The following ZNF677 variants were observed in gnomAD, a reference collection of about 807,000 sequenced individuals.
ZNF677 encodes hypothetical protein MGC48625.
In ZNF677, 5 loss-of-function variants were observed where a neutral mutation model predicts 8.1. The ratio of observed to expected loss-of-function variants is 0.62; its 90% CI spans 0.32 to 1.29. ZNF677 has a LOEUF of 1.29. ZNF677 is among the 50% of genes most tolerant of loss of function. The pLI is 0.05. For synonymous variants in ZNF677, 221 were observed against 225.6 expected (o/e 0.98, Z 0.18); for missense variants, 685 against 685.9 (o/e 1.00, Z 0.01).
rs756011503 is a variant in ZNF677 at position 53,237,695 on chromosome 19, CTCT to C, written c.1029_1031del (p.Glu344del). On this transcript the variant is annotated inframe_deletion, in exon 5 of 5. Coordinates refer to ENST00000598513, the MANE Select transcript of ZNF677 (RefSeq NM_182609.4). The stretch of plus-strand genomic sequence containing the variant: ...CACATTCATTACATTTGTAAGGTTT[CTCT>C]CCAGTATGCATCCTCTGATGACTTG... 23 of 1,613,352 alleles carry C rather than the reference CTCT, an allele frequency of 1.4e-5. No individual in the cohort carries two copies. In the East Asian group the frequency reaches 4.9e-4, roughly 34 times the overall value.
chr19:53,244,071 G>T (rs1599920183), intron 3 of ZNF677, 174 bp from the exon 4 acceptor site: 1 of 626,304 alleles, frequency 1.6e-6, no homozygotes, highest in East Asian at 3.1e-5. Flanking sequence ...CATAAAATTA[G>T]CTATTTGAGG....
Position 53,236,979 on chromosome 19 carries a change from C to G in ZNF677, c.1748G>C (p.Cys583Ser). 2 of 1,550,424 alleles carry G rather than the reference C, an allele frequency of 1.3e-6. No individual in the cohort carries two copies. The highest frequency in any genetic ancestry group is 8.7e-7 in the Non-Finnish European group (1 of 1,155,072). Reference protein sequence around the residue: ...YNETKIKYSSCT With the variant: ...YNETKIKYSSST ...ACAATGGAGCCCCTGATGCTAGGTA[C>G]AGCTTGAATACTTAATTTTTGTCTC... The change falls in exon 5 of 5, where the codon TGT (cysteine) becomes TCT (serine). Residue 583 changes from cysteine to serine, a missense_variant. Transcript: ENST00000598513.
intron 3 of ZNF677, among the ~76,000 whole-genome samples, chr19:53,248,369 A>G (rs545240305): frequency 3.3e-5 from 5 of 152,312 alleles, no homozygotes; most frequent in Non-Finnish European, 7.4e-5. Context: ...AACCAGTAAT[A>G]TTGGCTTTTG....
intron 3 of ZNF677, chr19:53,249,592 C>T (rs768291723): frequency 6.6e-6 from 1 of 152,186 alleles, no homozygotes. Context: ...ATGATTTTTA[C>T]GACTTCTCTT....
Position 53,237,232 on chromosome 19 carries a change from G to A in ZNF677, c.1495C>T (p.Arg499Cys), listed in dbSNP as rs140137479. ...TTCTTATGCTGAGTAAGATTTGAAC[G>A]TTCAGTAAAGGCTTTGCCACATTCA... The part of the protein sequence containing the change: ...CTECGKAFTE[R>C]SNLTQHKKIH... The change falls in exon 5 of 5, where the codon CGT becomes TGT. Residue 499 changes from arginine (R) to cysteine (C), a missense_variant. Arg to Cys is a radical substitution (Grantham distance 180). Coordinates refer to ENST00000598513, the MANE Select transcript of ZNF677 (RefSeq NM_182609.4). 484 of 1,612,532 alleles carry A rather than the reference G, an allele frequency of 3.0e-4. 2 individuals carry two copies. The highest frequency in any genetic ancestry group is 4.5e-4 in the South Asian group (41 of 91,054).
chr19:53,247,340 T>C (rs552923453), intron 3 of ZNF677, among the ~76,000 whole-genome samples: 6 of 152,138 alleles, frequency 3.9e-5, no homozygotes, highest in African/African-American at 1.4e-4. Flanking sequence ...AAGAATTGTT[T>C]TGGGCCACAC....
At chr19:53,239,897 G>C (rs1167551406) in intron 4 of ZNF677, 2 of 152,146 alleles carry the variant, frequency 1.3e-5, no homozygotes, top group Non-Finnish European at 2.9e-5. Context: ...TGTGTGTGCG[G>C]GCTAAGATGC....
chr19:53,237,830 G>C lies in ZNF677; in HGVS notation c.897C>G (p.Ala299=), dbSNP rs1263293364. The C allele has an allele frequency of 6.2e-7, 1 of 1,612,794 alleles. No homozygotes were observed. Among genetic ancestry groups the C allele is most frequent in the Non-Finnish European group, 8.5e-7 (1 of 1,179,506 alleles). ...TAGTGAGGTTCGAACACTGGTTAAAGGCTTTGCCACACTCGTTACATTTGT... is the reference window on the plus strand; with the variant it reads ...TAGTGAGGTTCGAACACTGGTTAAACGCTTTGCCACACTCGTTACATTTGT... ...RPYKCNECGK[A]FNQCSNLTRH... is the part of the protein sequence containing the mutation. The change falls in exon 5 of 5, where the codon GCC becomes GCG. Residue 299 remains alanine, a synonymous_variant. Coordinates refer to ENST00000598513, the MANE Select transcript of ZNF677 (RefSeq NM_182609.4).
chr19:53,243,555 C>T (rs1326554573), intron 4 of ZNF677, 189 bp downstream of exon 4: 4 of 711,898 alleles, frequency 5.6e-6, no homozygotes, highest in Non-Finnish European at 6.7e-6. Flanking sequence ...CTCGTCAAAC[C>T]TGATTATGCG....
intron 3 of ZNF677, 71 bp downstream of exon 3, chr19:53,251,465 A>G (rs1397967947): frequency 7.4e-7 from 1 of 1,348,196 alleles, no homozygotes; most frequent in Non-Finnish European, 1.1e-6. Context: ...GTCAGATAAA[A>G]TTAGCAAGTC....
Position 53,243,756 on chromosome 19 carries a change from G to A in ZNF677, c.157C>T (p.Pro53Ser), listed in dbSNP as rs1018951505. The A allele has an allele frequency of 6.2e-7, 1 of 1,614,130 alleles. No individual in the cohort carries two copies. The highest frequency in any genetic ancestry group is 8.5e-7 in the Non-Finnish European group (1 of 1,180,014). The change falls in exon 4 of 5, where the codon CCT (proline) becomes TCT (serine). Residue 53 changes from proline to serine, a missense_variant. Transcript: ENST00000598513. ...NLLSLDEDNI[P>S]PEDDISVGFT... ...CAAGGGTGGTTACCATCTTCTGGAG[G>A]GATGTTATCCTCATCGAGAGAAAGC... is the stretch of plus-strand genomic sequence containing the variant.
intron 3 of ZNF677, among the ~76,000 whole-genome samples, chr19:53,245,203 C>A (rs966550993): frequency 6.6e-6 from 1 of 152,058 alleles, no homozygotes; most frequent in Non-Finnish European, 1.5e-5. Flanking sequence ...GGAAAATGTT[C>A]TTGACATTAT....
intron 3 of ZNF677, among the ~76,000 whole-genome samples, chr19:53,248,799 A>G (rs1040259151): frequency 1.3e-5 from 2 of 152,198 alleles, no homozygotes; most frequent in African/African-American, 4.8e-5. Context: ...TATCACAATT[A>G]AAGTTCACTG....
chr19:53,249,993 C>T (rs1220751897), intron 3 of ZNF677, among the ~76,000 whole-genome samples: 2 of 152,112 alleles, frequency 1.3e-5, no homozygotes, highest in Non-Finnish European at 2.9e-5. Flanking sequence ...CTGCCTCAGC[C>T]TCTCGAGTAG....
At chr19:53,251,784 C>T (rs955273959) in intron 2 of ZNF677, among the ~76,000 whole-genome samples, 179 bp from the exon 3 acceptor site, 1 of 152,150 alleles carries the variant, frequency 6.6e-6, no homozygotes, top group Admixed American at 6.5e-5. Flanking sequence ...AGGAGTTATT[C>T]CACCTATGTC....
chr19:53,238,548 A>G lies in ZNF677; in HGVS notation c.179T>C (p.Val60Ala), dbSNP rs772730456. 1.9e-6 allele frequency: 3 copies of G among 1,557,404 alleles called. No homozygotes were observed. The East Asian group carries it at 6.8e-5, about 35-fold the overall frequency. Reference protein sequence around the residue: ...DNIPPEDDISVGFTSKGLSPK... With the variant: ...DNIPPEDDISAGFTSKGLSPK... ...TGATAATCCCTTGCTTGTAAATCCA[A>G]CAGAAATATCTGAAAGATATTAAAA... Residue 60 changes from valine to alanine, a missense_variant, in exon 5 of 5, where the codon GTT (valine) becomes GCT (alanine). By Grantham distance (64) the Val-to-Ala change is moderately conservative. Transcript: ENST00000598513.
At chr19:53,251,749 AAAATT>A (rs1176659321) in intron 2 of ZNF677, 144 bp from the exon 3 acceptor site, 1 of 603,080 alleles carries the variant, frequency 1.7e-6, no homozygotes, top group East Asian at 3.0e-5. Context: ...ACTCATGAAA[AAAATT>A]AACTCCTAAA....
intron 3 of ZNF677, among the ~76,000 whole-genome samples, chr19:53,249,706 A>G (rs2091203109): frequency 6.6e-6 from 1 of 151,274 alleles, no homozygotes; most frequent in South Asian, 2.1e-4. Flanking sequence ...ACTGCATGAC[A>G]TTTTATCATA....
In ZNF677 at chr19:53,236,319, A is replaced by G. The variant is rs956087789; in HGVS notation, c.*653T>C. 6.6e-6 allele frequency: 1 copy of G among 152,248 alleles called. No individual in the cohort carries two copies. Among genetic ancestry groups the G allele is most frequent in the Non-Finnish European group, 1.5e-5 (1 of 68,046 alleles). 9.4% of individuals were successfully genotyped at this position (152,248 alleles called of 1,614,324 possible). A position where few individuals can be genotyped will look rare whatever the true frequency, so the allele number is the denominator to read the frequency against. ...ATCCATTCCTTGAGACAATCATGATAAATGAAAAGCATGCCATGAAGATTT... is the reference window on the plus strand; with the variant it reads ...ATCCATTCCTTGAGACAATCATGATGAATGAAAAGCATGCCATGAAGATTT... On this transcript the variant is annotated 3_prime_UTR_variant, in exon 5 of 5. Transcript: ENST00000598513.
Sources: allele counts gnomAD v4.1 joint callset (sites outside exome capture counted in the v4.1 genomes callset), GRCh38; gene constraint gnomAD v4.1.1; transcripts MANE v1.5; gene names NCBI Gene and HGNC (gene_info 2026-07-23, HGNC 2026-07-21).